DOCK3: variants seen among roughly 807,000 people sequenced by gnomAD.
The protein encoded by DOCK3 is dedicator of cytokinesis protein 3.
In DOCK3, 60 loss-of-function variants were observed where a neutral mutation model predicts 265.6. The observed-to-expected ratio is 0.23, with a 90% CI of 0.18 to 0.28. DOCK3 has a LOEUF of 0.28. Ranked by LOEUF, DOCK3 falls within the 10% of genes least tolerant of loss-of-function variation. The pLI, the probability that DOCK3 is intolerant of heterozygous loss-of-function variation, is 1.00. For missense variants in DOCK3, 1,981 were observed against 2,594.3 expected (o/e 0.76, Z 5.14); for synonymous variants, 881 against 938.0 (o/e 0.94, Z 1.11).
chr3:51,201,365 G>A (rs1262880266), intron 12 of DOCK3, among the ~76,000 whole-genome samples: 2 of 151,672 alleles, frequency 1.3e-5, no homozygotes, highest in Non-Finnish European at 2.9e-5. Flanking sequence ...AAAAGGAAGG[G>A]GTTGCAATCC....
rs185458432 is a variant in DOCK3 at position 50,888,290 on chromosome 3, A to T, written c.163-1736A>T. On this transcript the variant is annotated intron_variant, in intron 3 of 52. Transcript: ENST00000266037. ...GTCAAAGAGAATAAAATACCTAGGAATCCAACTTACAAGGGATGTGAAGGA... is the reference window on the plus strand; with the variant it reads ...GTCAAAGAGAATAAAATACCTAGGATTCCAACTTACAAGGGATGTGAAGGA... Among the ~76,000 whole-genome samples the T allele has an allele frequency of 7.0e-4, 106 of 152,272 alleles. 1 individual carries two copies. Among genetic ancestry groups the T allele is most frequent in the Admixed American group, 6.6e-3 (101 of 15,280 alleles).
chr3:50,774,462 T>C (rs1316093234), intron 1 of DOCK3, among the ~76,000 whole-genome samples: 1 of 152,066 alleles, frequency 6.6e-6, no homozygotes, highest in African/African-American at 2.4e-5. Context: ...ATGGCATTTT[T>C]TGATGTTGTT....
intron 3 of DOCK3, among the ~76,000 whole-genome samples, chr3:50,854,288 G>A (rs949260213): frequency 1.3e-5 from 2 of 151,880 alleles, no homozygotes; most frequent in South Asian, 2.1e-4. Flanking sequence ...TTCTTTTGTT[G>A]TGTAGAAGCT....
chr3:50,978,204 G>A (rs1314759469), intron 5 of DOCK3, among the ~76,000 whole-genome samples: 2 of 149,266 alleles, frequency 1.3e-5, no homozygotes, highest in African/African-American at 4.9e-5. Flanking sequence ...CGTTCCTTTG[G>A]AGGAGGAGAG....
intron 5 of DOCK3, among the ~76,000 whole-genome samples, chr3:50,989,228 T>C (rs2108607676): frequency 6.6e-6 from 1 of 152,134 alleles, no homozygotes; most frequent in East Asian, 1.9e-4. Flanking sequence ...GGGGTGAAGC[T>C]CCCAGGAGAC....
rs751536738 is a variant in DOCK3, at chr3:51,075,467, G to A, written c.549+27G>A. ...TAAGAAATCTAACATGAGGTAGCTTGTTCCTGCATACCTCATTTTTTCTCT... is the reference window on the plus strand; with the variant it reads ...TAAGAAATCTAACATGAGGTAGCTTATTCCTGCATACCTCATTTTTTCTCT... On this transcript the variant is annotated intron_variant, in intron 7 of 52. Coordinates refer to ENST00000266037, the MANE Select transcript of DOCK3 (RefSeq NM_004947.5). 2.2e-5 allele frequency: 33 copies of A among 1,520,974 alleles called. No individual in the cohort carries two copies. The South Asian group carries it at 3.5e-4, about 16-fold the overall frequency. 94.2% of individuals were successfully genotyped at this position (1,520,974 alleles called of 1,614,324 possible). A position where few individuals can be genotyped will look rare whatever the true frequency, so the allele number is the denominator to read the frequency against.
intron 1 of DOCK3, among the ~76,000 whole-genome samples, chr3:50,737,024 G>A (rs186759844): frequency 3.9e-5 from 6 of 152,096 alleles, no homozygotes; most frequent in Non-Finnish European, 7.4e-5. Flanking sequence ...GTGTCTGTTC[G>A]TATCCTTCGC....
At chr3:51,137,305 G>A (rs2084850185) in intron 9 of DOCK3, among the ~76,000 whole-genome samples, 1 of 152,154 alleles carries the variant, frequency 6.6e-6, no homozygotes, top group South Asian at 2.1e-4. Flanking sequence ...GCACCTGGCA[G>A]GTTATCATGA....
At chr3:50,715,101 A>G (rs74886170) in intron 1 of DOCK3, among the ~76,000 whole-genome samples, 2 of 152,360 alleles carry the variant, frequency 1.3e-5, no homozygotes, top group Admixed American at 6.5e-5. Flanking sequence ...CTGGTTCACT[A>G]CTGTATCTCC....
At chr3:51,205,767 T>C (rs992795267) in intron 12 of DOCK3, among the ~76,000 whole-genome samples, 4 of 152,158 alleles carry the variant, frequency 2.6e-5, no homozygotes, top group Non-Finnish European at 5.9e-5. Context: ...TGAAAGCAAG[T>C]GCTGTATTAA....
Position 51,244,071 on chromosome 3 carries a change from G to A in DOCK3, c.2103-2655G>A, listed in dbSNP as rs75141540. Among the ~76,000 whole-genome samples the A allele has an allele frequency of 2.5e-3, 378 of 152,300 alleles. 1 individual carries two copies. Among genetic ancestry groups the A allele is most frequent in the Non-Finnish European group, 3.6e-3 (248 of 68,018 alleles). ...TCTTTTCCCATTGTTTTATAAATAT[G>A]TCTTTATGCTAATTCAACATTGTTT... On this transcript the variant is annotated intron_variant, in intron 21 of 52. Transcript: ENST00000266037.
intron 6 of DOCK3, among the ~76,000 whole-genome samples, chr3:51,066,367 T>C (rs1305295637): frequency 6.6e-6 from 1 of 152,178 alleles, no homozygotes; most frequent in South Asian, 2.1e-4. Context: ...TAGCTTAGTA[T>C]TCTAGGAATG....
chr3:51,338,860 G>C, intron 36 of DOCK3, 75 bp from the exon 37 acceptor site: 1 of 1,313,624 alleles, frequency 7.6e-7, no homozygotes, highest in East Asian at 2.5e-5. Flanking sequence ...CACACCCACG[G>C]CTATGGCCAG....
intron 5 of DOCK3, among the ~76,000 whole-genome samples, chr3:51,056,847 A>C (rs2081220927): frequency 6.6e-6 from 1 of 152,220 alleles, no homozygotes; most frequent in Non-Finnish European, 1.5e-5. Flanking sequence ...GAGATCTGGT[A>C]ATCTTCCCAC....
chr3:50,787,995 C>T (rs1469087296), intron 2 of DOCK3: 2 of 801,900 alleles, frequency 2.5e-6, no homozygotes, highest in African/African-American at 3.4e-5. Flanking sequence ...TCAGAATTCT[C>T]CTGGTCTTCC....
intron 1 of DOCK3, among the ~76,000 whole-genome samples, chr3:50,736,970 G>T (rs1426510084): frequency 1.3e-5 from 2 of 152,112 alleles, no homozygotes; most frequent in Non-Finnish European, 2.9e-5. Flanking sequence ...GGGATTACAG[G>T]TGTGAGCCAC....
At chr3:50,977,287 G>T (rs1423172122) in intron 5 of DOCK3, among the ~76,000 whole-genome samples, 1 of 152,048 alleles carries the variant, frequency 6.6e-6, no homozygotes, top group Non-Finnish European at 1.5e-5. Flanking sequence ...GGTACCGGTT[G>T]TTCCTTTCCA....
In DOCK3 at chr3:51,362,560, G is replaced by A. The variant is rs2086813168; in HGVS notation, c.5179G>A (p.Val1727Ile). ...TCCCAACCCCAGGTACCAAGGCTCA[G>A]TCACCAACGTCTCTGTTCTGTCCTC... Reference protein sequence around the residue: ...AYPNPRYQGSVTNVSVLSSSQ... With the variant: ...AYPNPRYQGSITNVSVLSSSQ... The change falls in exon 49 of 53, where the codon GTC (valine) becomes ATC (isoleucine). Residue 1727 changes from valine to isoleucine, a missense_variant. This residue lies in a region of DOCK3 where 1,357 missense variants were observed against 1,866.8 expected (regional missense o/e 0.73). Coordinates refer to ENST00000266037, the MANE Select transcript of DOCK3 (RefSeq NM_004947.5). 1.9e-6 allele frequency: 3 copies of A among 1,613,854 alleles called. No individual in the cohort carries two copies. In the Admixed American group the frequency reaches 5.0e-5, roughly 27 times the overall value.
intron 1 of DOCK3, among the ~76,000 whole-genome samples, chr3:50,691,077 T>C (rs1205378958): frequency 1.3e-5 from 2 of 151,390 alleles, no homozygotes; most frequent in Non-Finnish European, 2.9e-5. Flanking sequence ...GGTCAGGAGA[T>C]CGAGACCATC....
Sources: gnomAD v4.1 joint callset for allele counts (sites outside exome capture counted in the v4.1 genomes callset) on GRCh38, gnomAD v4.1.1 for gene constraint, gnomAD v4.1.1 regional missense constraint, MANE v1.5 for transcripts, NCBI Gene and HGNC (gene_info 2026-07-23, HGNC 2026-07-21) for gene names.